The following MVB12B variants were observed in gnomAD, a reference collection of about 807,000 sequenced individuals.
MVB12B encodes the protein ESCRT-I complex subunit MVB12B.
A neutral mutation model predicts 41.6 loss-of-function variants in MVB12B; 16 were observed. The observed-to-expected ratio is 0.38, with a 90% CI of 0.26 to 0.58. MVB12B has a LOEUF of 0.58. Among genes scored for constraint, MVB12B ranks in the 20% least tolerant of loss-of-function variants. The pLI is 0.62. For missense variants in MVB12B, 274 were observed against 380.2 expected, an observed-to-expected ratio of 0.72 and a Z score of 2.32; for synonymous variants, 133 against 139.7, an observed-to-expected ratio of 0.95 and a Z score of 0.34.
chr9:126,437,178 T>C (rs1461162327), intron 7 of MVB12B, among the ~76,000 whole-genome samples: 1 of 152,236 alleles, frequency 6.6e-6, no homozygotes, highest in Non-Finnish European at 1.5e-5. Context: ...AGGAGTGGCA[T>C]GCTGTATTTG....
At chr9:126,491,598 C>G (rs1210457637) in intron 9 of MVB12B, among the ~76,000 whole-genome samples, 1 of 152,102 alleles carries the variant, frequency 6.6e-6, no homozygotes, top group East Asian at 1.9e-4. Flanking sequence ...TGTTAGAAAG[C>G]TGAAATGTTT....
At chr9:126,404,853 G>A (rs1188002882) in intron 6 of MVB12B, among the ~76,000 whole-genome samples, 1 of 152,230 alleles carries the variant, frequency 6.6e-6, no homozygotes, top group Admixed American at 6.5e-5. Context: ...ACAGAGCGAG[G>A]TTATTTGAAT....
chr9:126,449,889 G>A (rs528464433), intron 7 of MVB12B, among the ~76,000 whole-genome samples: 1 of 152,338 alleles, frequency 6.6e-6, no homozygotes, highest in African/African-American at 2.4e-5. Context: ...CCGAGATTCA[G>A]AGAGGTTAAG....
chr9:126,365,812 T>G (rs555449626), intron 2 of MVB12B, among the ~76,000 whole-genome samples: 1 of 152,314 alleles, frequency 6.6e-6, no homozygotes, highest in East Asian at 1.9e-4. Context: ...TTAGCAGTTA[T>G]TTATTAAGCC....
chr9:126,364,440 G>C (rs1212285326), intron 2 of MVB12B, among the ~76,000 whole-genome samples: 1 of 152,166 alleles, frequency 6.6e-6, no homozygotes, highest in Non-Finnish European at 1.5e-5. Context: ...AGTCTGAGTT[G>C]GTTGGAGCCA....
At chr9:126,452,215 A>G (rs538123894) in intron 7 of MVB12B, among the ~76,000 whole-genome samples, 1 of 152,356 alleles carries the variant, frequency 6.6e-6, no homozygotes, top group East Asian at 1.9e-4. Context: ...GAGAATGTGC[A>G]TTTTAAACAA....
At chr9:126,379,592 G>A (rs886233948) in intron 2 of MVB12B, among the ~76,000 whole-genome samples, 1 of 152,168 alleles carries the variant, frequency 6.6e-6, no homozygotes, top group Admixed American at 6.5e-5. Flanking sequence ...TCAGCTTTCA[G>A]GTCAAATATA....
chr9:126,369,739 C>T (rs1422344784), intron 2 of MVB12B, among the ~76,000 whole-genome samples: 2 of 152,138 alleles, frequency 1.3e-5, no homozygotes, highest in Non-Finnish European at 2.9e-5. Context: ...CTGCAACCTC[C>T]GCCTTCCAGG....
chr9:126,418,990 G>T (rs1479529058), intron 6 of MVB12B, among the ~76,000 whole-genome samples: 1 of 152,094 alleles, frequency 6.6e-6, no homozygotes, highest in Non-Finnish European at 1.5e-5. Flanking sequence ...CCACAGATCT[G>T]TATTGATGCA....
chr9:126,392,240 A>G lies in MVB12B; in HGVS notation c.539+45A>G, dbSNP rs113956145. ...CTGTCAGCTGCTTCTCTTCCCTGAG[A>G]GCACTCAGGCCACTCCAGGCAATGA... On this transcript the variant is annotated intron_variant, in intron 5 of 9. Coordinates refer to ENST00000361171, the MANE Select transcript of MVB12B (RefSeq NM_033446.3). This position sits in a 1 kb window ranked among gnomAD's most constrained non-coding sequence, Gnocchi z 4.8. The G allele has an allele frequency of 6.2e-7, 1 of 1,609,084 alleles. No homozygotes were observed. The highest frequency in any genetic ancestry group is 1.3e-5 in the African/African-American group (1 of 74,910).
Position 126,505,994 on chromosome 9 carries a change from C to G in MVB12B, c.*2731C>G, listed in dbSNP as rs896189250. 6.6e-6 allele frequency: 1 copy of G among 152,262 alleles called. No individual in the cohort carries two copies. Among genetic ancestry groups the G allele is most frequent in the Non-Finnish European group, 1.5e-5 (1 of 68,102 alleles). 9.4% of individuals were successfully genotyped at this position (152,262 alleles called of 1,614,324 possible). A position where few individuals can be genotyped will look rare whatever the true frequency, so the allele number is the denominator to read the frequency against. On this transcript the variant is annotated 3_prime_UTR_variant, in exon 10 of 10. Coordinates refer to ENST00000361171, the MANE Select transcript of MVB12B (RefSeq NM_033446.3). ...GAGCACACTGTCCCCACCGCCTCCC[C>G]TTTCTCTCTGGAAAGTTGAAGTATC...
chr9:126,483,910 A>G, intron 8 of MVB12B, 63 bp from the exon 9 acceptor site: 1 of 1,558,466 alleles, frequency 6.4e-7, no homozygotes, highest in South Asian at 1.1e-5. Context: ...GTCATGCATA[A>G]AAGTAAGTGT....
chr9:126,494,300 T>TG (rs1325797131), intron 9 of MVB12B, among the ~76,000 whole-genome samples: 3 of 152,192 alleles, frequency 2.0e-5, no homozygotes, highest in African/African-American at 7.2e-5. Context: ...CCTTCCCCAC[T>TG]GCCCTTTTGG....
At chr9:126,471,296 T>C (rs887654) in intron 7 of MVB12B, among the ~76,000 whole-genome samples, 131,987 of 152,160 alleles carry the variant, frequency 0.87, 57,463 homozygotes, top group East Asian at 1. Context: ...GACTCTGAGG[T>C]TAAGTGACTT....
intron 6 of MVB12B, among the ~76,000 whole-genome samples, chr9:126,408,928 C>A (rs1369634393): frequency 6.6e-6 from 1 of 152,160 alleles, no homozygotes; most frequent in Non-Finnish European, 1.5e-5. Flanking sequence ...CTGTTGCAAA[C>A]ATTCCCCTCC....
intron 2 of MVB12B, among the ~76,000 whole-genome samples, chr9:126,380,235 C>T (rs927671647): frequency 2.0e-5 from 3 of 152,064 alleles, no homozygotes; most frequent in African/African-American, 4.8e-5. Flanking sequence ...AAGAAAGCAC[C>T]GCCCTCTCCT....
At position 126,327,391 on chromosome 9, in the gene MVB12B, C is replaced by T. The variant is rs151252091; in HGVS notation, c.81+381C>T. The T allele has an allele frequency of 5.5e-4, 509 of 931,108 alleles. 1 individual carries two copies. The African/African-American group carries it at 8.7e-3, about 16-fold the overall frequency. 57.7% of individuals were successfully genotyped at this position (931,108 alleles called of 1,614,324 possible). A position where few individuals can be genotyped will look rare whatever the true frequency, so the allele number is the denominator to read the frequency against. On this transcript the variant is annotated intron_variant, in intron 1 of 9. Coordinates refer to ENST00000361171, the MANE Select transcript of MVB12B (RefSeq NM_033446.3). Reference sequence around the variant, plus strand: ...CAGTCAATCGTTTGACCGGCCTGGCCTGGGGTCCTGCTCTCTCTGGTCACG... The same window carrying T: ...CAGTCAATCGTTTGACCGGCCTGGCTTGGGGTCCTGCTCTCTCTGGTCACG...
chr9:126,500,121 G>A (rs1417557023), intron 9 of MVB12B, among the ~76,000 whole-genome samples: 2 of 152,102 alleles, frequency 1.3e-5, no homozygotes, highest in African/African-American at 2.4e-5. Flanking sequence ...GGCTGCAATC[G>A]CCCTTAACCT....
chr9:126,490,127 T>C lies in MVB12B; in HGVS notation c.873+6095T>C, dbSNP rs117263291. ...TGGGTGTATAAATATTCTCTGTCTCTGCCGCTCTTTATTTCCCTGGTAAGC... is the reference window on the plus strand; with the variant it reads ...TGGGTGTATAAATATTCTCTGTCTCCGCCGCTCTTTATTTCCCTGGTAAGC... On this transcript the variant is annotated intron_variant, in intron 9 of 9. Coordinates refer to ENST00000361171, the MANE Select transcript of MVB12B (RefSeq NM_033446.3). Among the ~76,000 whole-genome samples the C allele has an allele frequency of 5.3e-3, 801 of 152,342 alleles. 8 individuals carry two copies. The highest frequency in any genetic ancestry group is 0.042 in the East Asian group (220 of 5,182).
Sources: allele counts gnomAD v4.1 joint callset (sites outside exome capture counted in the v4.1 genomes callset), GRCh38; gene constraint gnomAD v4.1.1; non-coding constraint Gnocchi (gnomAD v3.1); transcripts MANE v1.5; gene names NCBI Gene and HGNC (gene_info 2026-07-23, HGNC 2026-07-21).